The following FBXL16 variants were observed in gnomAD, a reference collection of about 807,000 sequenced individuals.
FBXL16 encodes F-box and leucine rich repeat protein 16, also known as F-box/LRR-repeat protein 16.
In FBXL16, 7 loss-of-function variants were observed where a neutral mutation model predicts 36.7. The ratio of observed to expected loss-of-function variants is 0.19; its 90% CI spans 0.11 to 0.36. The LOEUF (loss-of-function observed/expected upper bound fraction) is 0.36, where lower values mean the gene tolerates loss of function less well. Ranked by LOEUF, FBXL16 falls within the 10% of genes least tolerant of loss-of-function variation. FBXL16 has a pLI of 1.00. For missense variants in FBXL16, 463 were observed against 659.4 expected (o/e 0.70, Z 3.26); for synonymous variants, 355 against 308.7 (o/e 1.15, Z -1.57).
intron 1 of FBXL16, among the ~76,000 whole-genome samples, chr16:702,549 G>T (rs2040065146): frequency 6.6e-6 from 1 of 152,232 alleles, no homozygotes; most frequent in Non-Finnish European, 1.5e-5. Context: ...AATGCGGAAT[G>T]TGGCTCCGCT....
intron 1 of FBXL16, among the ~76,000 whole-genome samples, chr16:701,650 G>A (rs2040058345): frequency 6.6e-6 from 1 of 151,150 alleles, no homozygotes. Context: ...CGGTTCCCAT[G>A]GCTCACAGAG....
chr16:694,108 G>A lies in FBXL16; in HGVS notation c.*167C>T, dbSNP rs1310300761. 3 of 349,510 alleles carry A rather than the reference G, an allele frequency of 8.6e-6. No individual in the cohort carries two copies. Among genetic ancestry groups the A allele is most frequent in the African/African-American group, 2.2e-5 (1 of 45,964 alleles). 21.7% of individuals were successfully genotyped at this position (349,510 alleles called of 1,614,324 possible). A position where few individuals can be genotyped will look rare whatever the true frequency, so the allele number is the denominator to read the frequency against. ...CGGGGCGGGGCTGGGAGGGCGGAGG[G>A]ACCGAAGGTCGGGGAGGGGCTTTCC... On this transcript the variant is annotated 3_prime_UTR_variant, in exon 6 of 6. Coordinates refer to ENST00000397621, the MANE Select transcript of FBXL16 (RefSeq NM_153350.4).
intron 3 of FBXL16, 142 bp downstream of exon 3, chr16:695,273 G>C: frequency 4.3e-6 from 5 of 1,171,956 alleles, no homozygotes; most frequent in Non-Finnish European, 5.6e-6. Context: ...CCACTCCCCA[G>C]GCTCCGAGGG....
rs896536056 is a variant in FBXL16 at position 694,767 on chromosome 16, G to A, written c.1228-70C>T. The A allele has an allele frequency of 2.0e-6, 3 of 1,496,690 alleles. No individual in the cohort carries two copies. The African/African-American group carries it at 4.2e-5, about 21-fold the overall frequency. The allele number at this position is 1,496,690 out of a possible 1,614,324, so 92.7% of individuals were successfully genotyped here. A position where few individuals can be genotyped will look rare whatever the true frequency, so the allele number is the denominator to read the frequency against. ...AGGCGGAGGGCACCCTGGGGTCCAT[G>A]GAGGGCTAGGCGGGTTCAAGCCCGG... On this transcript the variant is annotated intron_variant, in intron 4 of 5. Coordinates refer to ENST00000397621, the MANE Select transcript of FBXL16 (RefSeq NM_153350.4).
chr16:696,557 C>T (rs1421493399), intron 2 of FBXL16, among the ~76,000 whole-genome samples: 1 of 152,236 alleles, frequency 6.6e-6, no homozygotes, highest in Non-Finnish European at 1.5e-5. Flanking sequence ...AGCCACCGGG[C>T]CTGGGCCCTG....
intron 1 of FBXL16, among the ~76,000 whole-genome samples, chr16:702,663 C>T (rs1200198266): frequency 1.3e-5 from 2 of 152,184 alleles, no homozygotes; most frequent in South Asian, 2.1e-4. Flanking sequence ...AGGCACAGCT[C>T]GGGAAATTAA....
Position 694,227 on chromosome 16 carries a change from C to G in FBXL16, c.*48G>C, listed in dbSNP as rs1567297227. 8.0e-7 allele frequency: 1 copy of G among 1,248,100 alleles called. No individual in the cohort carries two copies. The highest frequency in any genetic ancestry group is 1.6e-5 in the African/African-American group (1 of 63,948). 77.3% of individuals were successfully genotyped at this position (1,248,100 alleles called of 1,614,324 possible). ...GGGGGCTCGGCGGCGCCCCGCGCCC[C>G]CGCCCAGGTCATGGCCGGGTTCCCG... On this transcript the variant is annotated 3_prime_UTR_variant, in exon 6 of 6. Transcript: ENST00000397621.
chr16:697,394 C>G lies in FBXL16; in HGVS notation c.12G>C (p.Pro4=). MSS[P]GIDGDPKPPC... Reference sequence around the variant, plus strand: ...GAGGCTTGGGGTCGCCGTCGATGCCCGGGCTCGACATCTTCCTGGCACGCT... The same window carrying G: ...GAGGCTTGGGGTCGCCGTCGATGCCGGGGCTCGACATCTTCCTGGCACGCT... The change falls in exon 2 of 6, where the codon CCG becomes CCC. Residue 4 remains proline, a synonymous_variant. Transcript: ENST00000397621. The surrounding 1 kb of genome is among the most constrained non-coding windows in gnomAD (Gnocchi z 4.6). 6.5e-7 allele frequency: 1 copy of G among 1,534,534 alleles called. No homozygotes were observed. The highest frequency in any genetic ancestry group is 1.7e-4 in the Middle Eastern group (1 of 5,906).
At position 694,039 on chromosome 16, in the gene FBXL16, TGTGCGTGC is replaced by T. The variant is rs543438240; in HGVS notation, c.*228_*235del. 2 of 208,752 alleles carry T rather than the reference TGTGCGTGC, an allele frequency of 9.6e-6. No individual in the cohort carries two copies. The highest frequency in any genetic ancestry group is 1.9e-5 in the Non-Finnish European group (2 of 104,938). The allele number at this position is 208,752 out of a possible 1,614,324, so 12.9% of individuals were successfully genotyped here. On this transcript the variant is annotated 3_prime_UTR_variant, in exon 6 of 6. Transcript: ENST00000397621. ...GAGGGGCATGCACAAAGTCCCCGAG[TGTGCGTGC>T]GTGCGTGGGGCGGGCCCACCCGCCG...
intron 1 of FBXL16, among the ~76,000 whole-genome samples, chr16:702,544 G>T (rs778960000): frequency 6.6e-6 from 1 of 152,216 alleles, no homozygotes; most frequent in Non-Finnish European, 1.5e-5. Context: ...GAATGAATGC[G>T]GAATGTGGCT....
chr16:697,133 C>T lies in FBXL16; in HGVS notation c.273G>A (p.Glu91=). 2 of 1,603,068 alleles carry T rather than the reference C, an allele frequency of 1.2e-6. No homozygotes were observed. The highest frequency in any genetic ancestry group is 2.2e-5 in the South Asian group (2 of 89,934). Residue 91 remains glutamate, a synonymous_variant, in exon 2 of 6, where the codon GAG becomes GAA. Coordinates refer to ENST00000397621, the MANE Select transcript of FBXL16 (RefSeq NM_153350.4). This position sits in a 1 kb window ranked among gnomAD's most constrained non-coding sequence, Gnocchi z 4.6. ...TCTCGTCCGTGGCCAGCGGCGGCCG[C>T]TCCGCTGGGTGCCCAGGTGCCAAGG... ...ASALAPGHPA[E]RPPLATDEKI... is the part of the protein sequence containing the mutation.
At chr16:700,924 G>A (rs1455069730) in intron 1 of FBXL16, among the ~76,000 whole-genome samples, 1 of 152,160 alleles carries the variant, frequency 6.6e-6, no homozygotes, top group Non-Finnish European at 1.5e-5. Context: ...GAGGGGCCCC[G>A]GGGGCGAAGA....
chr16:695,179 C>G (rs1160205831), intron 3 of FBXL16, 103 bp from the exon 4 acceptor site: 7 of 1,282,382 alleles, frequency 5.5e-6, no homozygotes, highest in South Asian at 2.8e-5. Context: ...CCTGCCCCAC[C>G]CGGAGCAGCC....
intron 3 of FBXL16, 121 bp downstream of exon 3, chr16:695,294 C>G: frequency 8.5e-7 from 1 of 1,174,776 alleles, no homozygotes; most frequent in Admixed American, 3.3e-5. Flanking sequence ...CTCTGCCCGC[C>G]GCGCCACAGC....
intron 1 of FBXL16, among the ~76,000 whole-genome samples, chr16:699,238 G>A (rs985531853): frequency 1.3e-5 from 2 of 152,250 alleles, no homozygotes; most frequent in African/African-American, 2.4e-5. Flanking sequence ...TCAGGCCAGC[G>A]ACATCCACGC....
Position 695,829 on chromosome 16 carries a change from C to T in FBXL16, c.728G>A (p.Arg243His). 2 of 1,608,958 alleles carry T rather than the reference C, an allele frequency of 1.2e-6. No individual in the cohort carries two copies. The highest frequency in any genetic ancestry group is 8.5e-7 in the Non-Finnish European group (1 of 1,178,222). The change falls in exon 3 of 6, where the codon CGC (arginine) becomes CAC (histidine). Residue 243 changes from arginine to histidine, a missense_variant. By Grantham distance (29) the Arg-to-His change is conservative (BLOSUM62 0). This residue lies in a region of FBXL16 where 263 missense variants were observed against 341.1 expected (regional missense o/e 0.77). Coordinates refer to ENST00000397621, the MANE Select transcript of FBXL16 (RefSeq NM_153350.4). ...EAGLWSSLSA[R>H]ITSLSVSDCI... is the part of the protein sequence containing the mutation. ...GTCACTCACGCTCAGCGAGGTGATG[C>T]GCGCGCTCAGGCTGGACCACAGCCC...
intron 1 of FBXL16, among the ~76,000 whole-genome samples, chr16:699,120 A>T (rs2040037998): frequency 6.6e-6 from 1 of 152,212 alleles, no homozygotes; most frequent in Non-Finnish European, 1.5e-5. Context: ...CAGATGAGGA[A>T]ACTGAGGCCA....
rs1351118000 is a variant in FBXL16 at position 695,195 on chromosome 16, C to T, written c.1143-119G>A. ...CTGCCCCACCCGGAGCAGCCGCTGG[C>T]CCCTCCTCGCTCCCACCCACCGGGA... On this transcript the variant is annotated intron_variant, in intron 3 of 5. Coordinates refer to ENST00000397621, the MANE Select transcript of FBXL16 (RefSeq NM_153350.4). 4 of 1,214,928 alleles carry T rather than the reference C, an allele frequency of 3.3e-6. No individual in the cohort carries two copies. The South Asian group carries it at 4.4e-5, about 13-fold the overall frequency. 75.3% of individuals were successfully genotyped at this position (1,214,928 alleles called of 1,614,324 possible).
chr16:694,321 A>G lies in FBXL16; in HGVS notation c.1394T>C (p.Phe465Ser). 1 of 1,494,182 alleles carries G rather than the reference A, an allele frequency of 6.7e-7. No individual in the cohort carries two copies. The highest frequency in any genetic ancestry group is 8.9e-7 in the Non-Finnish European group (1 of 1,126,630). 92.6% of individuals were successfully genotyped at this position (1,494,182 alleles called of 1,614,324 possible). A position where few individuals can be genotyped will look rare whatever the true frequency, so the allele number is the denominator to read the frequency against. ...GGGCAGGTGCTGCGAGAAATACTTG[A>G]AGAGCTCGGGGGTGGCCCCGGGGCA... The part of the protein sequence containing the change: ...TNCPGATPEL[F>S]KYFSQHLPRC... The change falls in exon 6 of 6, where the codon TTC becomes TCC. Residue 465 changes from phenylalanine (F) to serine (S), a missense_variant. Around this residue, in one of 3 missense-constraint regions of FBXL16, gnomAD observed 134 missense variants for 172.0 expected, o/e 0.78. Coordinates refer to ENST00000397621, the MANE Select transcript of FBXL16 (RefSeq NM_153350.4).
Sources: allele counts gnomAD v4.1 joint callset (sites outside exome capture counted in the v4.1 genomes callset), GRCh38; gene constraint gnomAD v4.1.1; regional missense constraint gnomAD v4.1.1; non-coding constraint Gnocchi (gnomAD v3.1); transcripts MANE v1.5; gene names NCBI Gene and HGNC (gene_info 2026-07-23, HGNC 2026-07-21).